CCDC170: variants seen among roughly 807,000 people sequenced by gnomAD.
CCDC170 encodes coiled-coil domain containing 170.
A neutral mutation model predicts 72.6 loss-of-function variants in CCDC170; 69 were observed. The ratio of observed to expected loss-of-function variants is 0.95; its 90% CI spans 0.78 to 1.16. The LOEUF is 1.16. CCDC170 is among the 50% of genes most tolerant of loss of function. The pLI is 0.00. For synonymous variants in CCDC170, 300 were observed against 303.9 expected, an observed-to-expected ratio of 0.99 and a Z score of 0.13; for missense variants, 852 against 832.5, an observed-to-expected ratio of 1.02 and a Z score of -0.29.
rs778714577 is a variant in CCDC170 at position 151,548,349 on chromosome 6, G to T, written c.634G>T (p.Val212Phe). ...KENEFVKGQI[V>F]ILEETINVHE... ...AAATGAATTCGTGAAAGGACAAATT[G>T]TTATTCTTGAAGAGACTATAAATGT... The change falls in exon 5 of 11, where the codon GTT becomes TTT. Residue 212 changes from valine to phenylalanine, a missense_variant. Physicochemically the swap from Val to Phe is conservative, Grantham distance 50. Transcript: ENST00000239374. 3 of 1,602,868 alleles carry T rather than the reference G, an allele frequency of 1.9e-6. No homozygotes were observed. In the South Asian group the frequency reaches 3.4e-5, roughly 18 times the overall value.
chr6:151,584,315 G>C (rs1583037852), intron 6 of CCDC170, among the ~76,000 whole-genome samples: 1 of 151,968 alleles, frequency 6.6e-6, no homozygotes, highest in East Asian at 1.9e-4. Flanking sequence ...TCTTTATTTT[G>C]ATTATTTATT....
At chr6:151,617,455 G>C (rs1248432486) in intron 10 of CCDC170, among the ~76,000 whole-genome samples, 1 of 73,812 alleles carries the variant, frequency 1.4e-5, no homozygotes, top group African/African-American at 5.2e-5. Flanking sequence ...TTTTTTTTTA[G>C]TGTAAGAGGT....
intron 9 of CCDC170, among the ~76,000 whole-genome samples, chr6:151,608,638 G>A (rs1321647314): frequency 6.6e-6 from 1 of 152,150 alleles, no homozygotes; most frequent in African/African-American, 2.4e-5. Flanking sequence ...TGGAGGCTGT[G>A]GTGTGGCTTT....
intron 5 of CCDC170, among the ~76,000 whole-genome samples, chr6:151,568,393 A>G (rs1206943880): frequency 6.6e-6 from 1 of 152,174 alleles, no homozygotes. Context: ...CATTCTAAAT[A>G]CTTTACTTTT....
intron 5 of CCDC170, among the ~76,000 whole-genome samples, chr6:151,567,556 A>G (rs1776155446): frequency 6.6e-6 from 1 of 152,198 alleles, no homozygotes; most frequent in Non-Finnish European, 1.5e-5. Flanking sequence ...TTCAAAATCC[A>G]TCTTCAATCC....
At chr6:151,556,670 A>G (rs1782981834) in intron 5 of CCDC170, among the ~76,000 whole-genome samples, 1 of 151,602 alleles carries the variant, frequency 6.6e-6, no homozygotes, top group South Asian at 2.1e-4. Flanking sequence ...TAGAATGTGT[A>G]AGGATGAAGT....
intron 5 of CCDC170, among the ~76,000 whole-genome samples, chr6:151,548,748 C>G (rs1320385289): frequency 2.0e-5 from 3 of 151,810 alleles, no homozygotes; most frequent in Non-Finnish European, 2.9e-5. Context: ...GAGAAGGAGT[C>G]TCACTCTGTC....
chr6:151,564,119 G>C (rs1337628606), intron 5 of CCDC170, among the ~76,000 whole-genome samples: 1 of 152,108 alleles, frequency 6.6e-6, no homozygotes, highest in Non-Finnish European at 1.5e-5. Flanking sequence ...CTGTGCATCT[G>C]GTGTGACAGT....
At chr6:151,510,146 A>AAAC (rs931001818) in intron 1 of CCDC170, among the ~76,000 whole-genome samples, 1 of 152,182 alleles carries the variant, frequency 6.6e-6, no homozygotes, top group African/African-American at 2.4e-5. Flanking sequence ...ACAAATAAAC[A>AAAC]AACAACAACA....
intron 1 of CCDC170, among the ~76,000 whole-genome samples, chr6:151,499,604 C>T (rs60455767): frequency 0.091 from 7,183 of 78,878 alleles, 1,625 homozygotes; most frequent in African/African-American, 0.34. Flanking sequence ...GGAATCAGAC[C>T]GTATTTGACT....
intron 7 of CCDC170, among the ~76,000 whole-genome samples, chr6:151,588,935 C>CAAAA (rs1446076936): frequency 6.6e-6 from 1 of 151,402 alleles, no homozygotes; most frequent in African/African-American, 2.4e-5. Context: ...GACCCCGTCT[C>CAAAA]AAAACAAACA....
rs13195575 is a variant in CCDC170 at position 151,495,348 on chromosome 6, G to A, written c.57+1163G>A. The stretch of plus-strand genomic sequence containing the variant: ...TGACTTTATTAATTTTTATCCCAAT[G>A]TGGTGTCTTAACCATACATAAGTAT... On this transcript the variant is annotated intron_variant, in intron 1 of 10. Transcript: ENST00000239374. Among the ~76,000 whole-genome samples, 446 of 152,010 alleles carry A rather than the reference G, an allele frequency of 2.9e-3. 2 individuals are homozygous for A. The highest frequency in any genetic ancestry group is 8.9e-3 in the South Asian group (43 of 4,816).
At chr6:151,528,561 A>G (rs888255459) in intron 1 of CCDC170, among the ~76,000 whole-genome samples, 9 of 152,204 alleles carry the variant, frequency 5.9e-5, no homozygotes, top group African/African-American at 2.2e-4. Flanking sequence ...ATATAGAAGC[A>G]TAGGTGGGGT....
chr6:151,603,218 A>G (rs956767484), intron 9 of CCDC170, among the ~76,000 whole-genome samples: 2 of 150,774 alleles, frequency 1.3e-5, no homozygotes, highest in Admixed American at 1.3e-4. Flanking sequence ...TGGCATGTTT[A>G]AAGTTTATTA....
At chr6:151,506,636 T>TATTA (rs1782070395) in intron 1 of CCDC170, among the ~76,000 whole-genome samples, 1 of 152,238 alleles carries the variant, frequency 6.6e-6, no homozygotes, top group African/African-American at 2.4e-5. Context: ...AATGGTCTGG[T>TATTA]ATTAACCTTA....
intron 4 of CCDC170, among the ~76,000 whole-genome samples, 164 bp downstream of exon 4, chr6:151,544,880 C>T (rs573237140): frequency 2.0e-5 from 3 of 152,234 alleles, no homozygotes; most frequent in African/African-American, 7.2e-5. Context: ...CGTCACCTGC[C>T]TGAGCCTCAA....
At chr6:151,547,639 G>T (rs946002879) in intron 4 of CCDC170, among the ~76,000 whole-genome samples, 1 of 152,076 alleles carries the variant, frequency 6.6e-6, no homozygotes, top group South Asian at 2.1e-4. Context: ...GTCCTGAGGG[G>T]TCTCAAGTCA....
At chr6:151,501,131 A>G (rs765172631) in intron 1 of CCDC170, among the ~76,000 whole-genome samples, 21 of 152,080 alleles carry the variant, frequency 1.4e-4, no homozygotes, top group Non-Finnish European at 2.4e-4. Flanking sequence ...CCTTGTTTTA[A>G]ATTAAAATGC....
chr6:151,598,572 T>C (rs967202680), intron 9 of CCDC170, among the ~76,000 whole-genome samples: 1 of 151,996 alleles, frequency 6.6e-6, no homozygotes, highest in Non-Finnish European at 1.5e-5. Context: ...TGAGAGACCG[T>C]CACAAATTTC....
Sources: allele counts gnomAD v4.1 joint callset (sites outside exome capture counted in the v4.1 genomes callset), GRCh38; gene constraint gnomAD v4.1.1; transcripts MANE v1.5; gene names NCBI Gene and HGNC (gene_info 2026-07-23, HGNC 2026-07-21).